SGK1: variants seen among roughly 807,000 people sequenced by gnomAD.
SGK1 encodes serine/threonine-protein kinase Sgk1.
A neutral mutation model predicts 64.2 loss-of-function variants in SGK1; 26 were observed. That is an observed-to-expected ratio of 0.40 (90% CI 0.30 to 0.56). The LOEUF is 0.56. Ranked by LOEUF, SGK1 falls within the 20% of genes least tolerant of loss-of-function variation. The pLI, the probability that SGK1 is intolerant of heterozygous loss-of-function variation, is 0.38. For synonymous variants in SGK1, 265 were observed against 239.7 expected, an observed-to-expected ratio of 1.11 and a Z score of -0.98; for missense variants, 519 against 645.6, an observed-to-expected ratio of 0.80 and a Z score of 2.12.
In SGK1 at chr6:134,317,529, C is replaced by T. The variant is rs1777704936; in HGVS notation, c.-69G>A. 1.1e-6 allele frequency: 1 copy of T among 894,536 alleles called. No individual in the cohort carries two copies. 55.4% of individuals were successfully genotyped at this position (894,536 alleles called of 1,614,324 possible). On this transcript the variant is annotated 5_prime_UTR_variant, in exon 1 of 14. Transcript: ENST00000367858. ...CCGCCTGGTTAGTGCATATCTGTTT[C>T]CCCGGTTTACCTCCTGCAGACAGTT...
chr6:134,233,256 C>T (rs1305373304), intron 2 of SGK1, among the ~76,000 whole-genome samples: 1 of 152,104 alleles, frequency 6.6e-6, no homozygotes, highest in Non-Finnish European at 1.5e-5. Flanking sequence ...GCATTTGTAT[C>T]CCACTTATAG....
chr6:134,175,645 C>A (rs1343367720), intron 3 of SGK1: 3 of 1,523,650 alleles, frequency 2.0e-6, no homozygotes, highest in Non-Finnish European at 2.6e-6. Flanking sequence ...GGCCAGCGCG[C>A]CCTGCATCTC....
At chr6:134,229,097 C>T (rs1776237339) in intron 2 of SGK1, among the ~76,000 whole-genome samples, 1 of 152,240 alleles carries the variant, frequency 6.6e-6, no homozygotes, top group Non-Finnish European at 1.5e-5. Context: ...TCCCAAAGTG[C>T]TGGGATTACA....
chr6:134,273,499 A>AGGAGAATG (rs1197179777), intron 1 of SGK1, among the ~76,000 whole-genome samples: 1 of 143,976 alleles, frequency 6.9e-6, no homozygotes, highest in Non-Finnish European at 1.5e-5. Flanking sequence ...AGGCTGAGGC[A>AGGAGAATG]GGAGAATGGC....
chr6:134,226,727 A>C (rs1454462659), intron 2 of SGK1, among the ~76,000 whole-genome samples: 6 of 152,026 alleles, frequency 3.9e-5, no homozygotes, highest in African/African-American at 1.4e-4. Flanking sequence ...TAAATAAATA[A>C]AAAATAAGAG....
intron 2 of SGK1, among the ~76,000 whole-genome samples, chr6:134,251,383 C>G (rs973830268): frequency 1.3e-5 from 2 of 151,954 alleles, no homozygotes; most frequent in African/African-American, 4.8e-5. Flanking sequence ...TGGAAAATAG[C>G]CATATGGTTT....
At chr6:134,190,486 A>G (rs1775493472) in intron 3 of SGK1, among the ~76,000 whole-genome samples, 1 of 152,056 alleles carries the variant, frequency 6.6e-6, no homozygotes, top group African/African-American at 2.4e-5. Context: ...GGGTTTCGCC[A>G]TATTGGCTAC....
intron 3 of SGK1, among the ~76,000 whole-genome samples, chr6:134,189,148 T>C (rs900890611): frequency 1.4e-4 from 22 of 152,044 alleles, no homozygotes; most frequent in African/African-American, 5.1e-4. Context: ...AGAGGATTGT[T>C]TGATGGTTTG....
At chr6:134,230,223 A>G (rs912259133) in intron 2 of SGK1, among the ~76,000 whole-genome samples, 4 of 152,188 alleles carry the variant, frequency 2.6e-5, no homozygotes, top group African/African-American at 9.7e-5. Context: ...ACGGCACCTC[A>G]CACCTGTAAT....
chr6:134,289,015 T>C (rs1562275501), intron 1 of SGK1, among the ~76,000 whole-genome samples: 2 of 152,226 alleles, frequency 1.3e-5, no homozygotes, highest in East Asian at 1.9e-4. Context: ...TTTCCACAGA[T>C]ACAGTGAGAA....
intron 2 of SGK1, among the ~76,000 whole-genome samples, chr6:134,253,840 G>A (rs937478599): frequency 1.3e-5 from 2 of 152,060 alleles, no homozygotes; most frequent in Non-Finnish European, 2.9e-5. Flanking sequence ...TCCTTCCAGA[G>A]GACTCTGGCT....
intron 2 of SGK1, among the ~76,000 whole-genome samples, chr6:134,239,540 C>T (rs865969859): frequency 1.3e-5 from 2 of 152,148 alleles, no homozygotes; most frequent in African/African-American, 4.8e-5. Flanking sequence ...GATTGGGCTA[C>T]GCACATTTTA....
At chr6:134,301,295 C>G (rs2114792479) in intron 1 of SGK1, among the ~76,000 whole-genome samples, 1 of 152,158 alleles carries the variant, frequency 6.6e-6, no homozygotes. Flanking sequence ...AGATGGAGAA[C>G]TACAGTAAGA....
At chr6:134,247,114 G>T (rs560085522) in intron 2 of SGK1, among the ~76,000 whole-genome samples, 60 of 152,060 alleles carry the variant, frequency 3.9e-4, no homozygotes, top group Non-Finnish European at 6.2e-4. Context: ...ATGCCCCAGT[G>T]CTCAACTTCC....
chr6:134,253,856 A>G (rs1328318701), intron 2 of SGK1, among the ~76,000 whole-genome samples: 1 of 152,104 alleles, frequency 6.6e-6, no homozygotes, highest in Non-Finnish European at 1.5e-5. Context: ...TGGCTTCACT[A>G]GGCCTTTAAA....
In SGK1 at chr6:134,170,452, A is replaced by G; in HGVS notation, c.1414-17T>C. On this transcript the variant is annotated splice_polypyrimidine_tract_variant and intron_variant, in intron 13 of 13. Coordinates refer to ENST00000367858, the MANE Select transcript of SGK1 (RefSeq NM_001143676.3). ...GGGCCCACTCTGTGACGGGAAGGGA[A>G]AAACACTCTTGTCAAGAACTCACAC... 6.2e-7 allele frequency: 1 copy of G among 1,603,514 alleles called. No homozygotes were observed. Among genetic ancestry groups the G allele is most frequent in the Non-Finnish European group, 8.5e-7 (1 of 1,172,396 alleles).
intron 2 of SGK1, among the ~76,000 whole-genome samples, chr6:134,248,307 C>T (rs554006541): frequency 6.6e-6 from 1 of 152,184 alleles, no homozygotes; most frequent in South Asian, 2.1e-4. Context: ...CAGATCAGTA[C>T]AAATCCAGTC....
intron 9 of SGK1, 30 bp from the exon 10 acceptor site, chr6:134,172,346 C>T (rs752706271): frequency 1.3e-6 from 2 of 1,598,406 alleles, no homozygotes; most frequent in African/African-American, 1.3e-5. Context: ...AAAGTAGTTG[C>T]ACAAGTTAAT....
intron 3 of SGK1, among the ~76,000 whole-genome samples, chr6:134,176,267 C>CA (rs1775230908): frequency 6.6e-6 from 1 of 152,214 alleles, no homozygotes; most frequent in Non-Finnish European, 1.5e-5. Flanking sequence ...GGGTTTAACT[C>CA]AAGGCTGCCC....
Sources: allele counts gnomAD v4.1 joint callset (sites outside exome capture counted in the v4.1 genomes callset), GRCh38; gene constraint gnomAD v4.1.1; transcripts MANE v1.5; gene names NCBI Gene and HGNC (gene_info 2026-07-23, HGNC 2026-07-21).